The following TBL3 variants were observed in gnomAD, a reference collection of about 807,000 sequenced individuals.
TBL3 encodes transducin beta-like protein 3.
In TBL3, 71 loss-of-function variants were observed where a neutral mutation model predicts 102.7. That is an observed-to-expected ratio of 0.69 (90% CI 0.57 to 0.84). The LOEUF is 0.84. Among genes scored for constraint, TBL3 ranks in the 40% least tolerant of loss-of-function variants. TBL3 has a pLI of 0.00. For missense variants in TBL3, 1,188 were observed against 1,098.5 expected (o/e 1.08, Z -1.15); for synonymous variants, 578 against 477.7 (o/e 1.21, Z -2.74).
intron 1 of TBL3, 111 bp from the exon 2 acceptor site, chr16:1,973,945 C>G: frequency 8.2e-7 from 1 of 1,214,134 alleles, no homozygotes. Context: ...TGCCCAGAAA[C>G]TCAAGGGCAG....
chr16:1,978,550 A>C lies in TBL3; in HGVS notation c.2294-2A>C. The C allele has an allele frequency of 1.2e-6, 2 of 1,605,294 alleles. No homozygotes were observed. The highest frequency in any genetic ancestry group is 1.7e-6 in the Non-Finnish European group (2 of 1,174,348). On this transcript the variant is annotated splice_acceptor_variant, in intron 21 of 21. Transcript: ENST00000568546. LOFTEE classifies it high-confidence loss of function. ...CCCTGACCTCCCTCTGTCCAACCCCAGAGCGGCACTTTCAGCGGCTCAGCA... is the reference window on the plus strand; with the variant it reads ...CCCTGACCTCCCTCTGTCCAACCCCCGAGCGGCACTTTCAGCGGCTCAGCA...
chr16:1,974,121 GA>G lies in TBL3; in HGVS notation c.93+16del. The G allele has an allele frequency of 6.3e-7, 1 of 1,584,112 alleles. No homozygotes were observed. The highest frequency in any genetic ancestry group is 8.6e-7 in the Non-Finnish European group (1 of 1,160,132). On this transcript the variant is annotated intron_variant, in intron 2 of 21. Transcript: ENST00000568546. ...GGAAAAGCACAGGTACCAGCCTGGG[GA>G]AGGGCAGTGGGGCGGGCAGCCAGAG... is the stretch of plus-strand genomic sequence containing the variant.
Position 1,979,662 on chromosome 16 carries a change from C to T in TBL3, c.*977C>T. ...CGGCGGGGCCGCTCTAAGACCGGTT[C>T]GGGGCTTCCTCTAGGTGCGGAGACC... On this transcript the variant is annotated 3_prime_UTR_variant, in exon 22 of 22. Coordinates refer to ENST00000568546, the MANE Select transcript of TBL3 (RefSeq NM_006453.3). The T allele has an allele frequency of 1.7e-6, 2 of 1,195,896 alleles. No homozygotes were observed. The highest frequency in any genetic ancestry group is 2.9e-5 in the South Asian group (2 of 67,984). The allele number at this position is 1,195,896 out of a possible 1,614,324, so 74.1% of individuals were successfully genotyped here.
chr16:1,978,175 G>A lies in TBL3; in HGVS notation c.2089G>A (p.Glu697Lys), dbSNP rs145560070. 39 of 1,612,752 alleles carry A rather than the reference G, an allele frequency of 2.4e-5. No homozygotes were observed. The African/African-American group carries it at 3.7e-4, about 15-fold the overall frequency. Reference protein sequence around the residue: ...QAIRRDPEACEKLEATMLRLR... With the variant: ...QAIRRDPEACKKLEATMLRLR... ...CATCCGGAGGGACCCTGAGGCCTGC[G>A]AGAAGCTGGAAGCCACCATGCTCCG... Residue 697 changes from glutamate to lysine, a missense_variant, in exon 20 of 22, where the codon GAG becomes AAG. Glu to Lys is a moderately conservative substitution (Grantham distance 56). Coordinates refer to ENST00000568546, the MANE Select transcript of TBL3 (RefSeq NM_006453.3).
Position 1,980,485 on chromosome 16 carries a change from A to G in TBL3, c.*1800A>G, listed in dbSNP as rs960322303. The G allele has an allele frequency of 6.2e-7, 1 of 1,602,740 alleles. No homozygotes were observed. Among genetic ancestry groups the G allele is most frequent in the Non-Finnish European group, 8.5e-7 (1 of 1,179,752 alleles). On this transcript the variant is annotated 3_prime_UTR_variant, in exon 22 of 22. Coordinates refer to ENST00000568546, the MANE Select transcript of TBL3 (RefSeq NM_006453.3). Reference sequence around the variant, plus strand: ...AGCAGCCTCCGAGAATAGGTTTCCAACAGCTGCAGGCGCGCCAGGCCGCGG... The same window carrying G: ...AGCAGCCTCCGAGAATAGGTTTCCAGCAGCTGCAGGCGCGCCAGGCCGCGG...
At chr16:1,978,521 A>G (rs757714913) in intron 21 of TBL3, 31 bp from the exon 22 acceptor site, 1 of 1,587,490 alleles carries the variant, frequency 6.3e-7, no homozygotes, top group South Asian at 1.1e-5. Flanking sequence ...CGTGTGGACC[A>G]CCCCCCTGAC....
Position 1,976,202 on chromosome 16 carries a change from T to C in TBL3, c.1189-9T>C, listed in dbSNP as rs751011802. 4 of 1,614,108 alleles carry C rather than the reference T, an allele frequency of 2.5e-6. No individual in the cohort carries two copies. In the East Asian group the frequency reaches 6.7e-5, roughly 27 times the overall value. On this transcript the variant is annotated splice_polypyrimidine_tract_variant and intron_variant, in intron 12 of 21. Transcript: ENST00000568546. Reference sequence around the variant, plus strand: ...GGACCAGCCTCTCTCCTCAACTCCCTGTCCCCAGGATCAGAGCGTCCGTAT... The same window carrying C: ...GGACCAGCCTCTCTCCTCAACTCCCCGTCCCCAGGATCAGAGCGTCCGTAT...
At position 1,977,660 on chromosome 16, in the gene TBL3, T is replaced by C. The variant is rs370347285; in HGVS notation, c.1889T>C (p.Ile630Thr). The C allele has an allele frequency of 6.4e-6, 10 of 1,551,588 alleles. No individual in the cohort carries two copies. The African/African-American group carries it at 1.1e-4, about 17-fold the overall frequency. ...ACTGGGGCCAGTGACTCCCGAGTCA[T>C]CCTCTGGAAGGTTGTGGGCCCCAAG... ...ALTGASDSRV[I>T]LWKDVTEAEQ... Residue 630 changes from isoleucine to threonine, a missense_variant, in exon 17 of 22, where the codon ATC (isoleucine) becomes ACC (threonine). Transcript: ENST00000568546.
chr16:1,978,938 CAG>C lies in TBL3; in HGVS notation c.*256_*257del, dbSNP rs1299649228. On this transcript the variant is annotated 3_prime_UTR_variant, in exon 22 of 22. Transcript: ENST00000568546. ...GGGGTCATGCAGAACAAGCTTTACT[CAG>C]AGGAACAGCAAATGGCCCCCTCCCA... 8.5e-7 allele frequency: 1 copy of C among 1,181,758 alleles called. No homozygotes were observed. Among genetic ancestry groups the C allele is most frequent in the African/African-American group, 1.6e-5 (1 of 64,216 alleles). 73.2% of individuals were successfully genotyped at this position (1,181,758 alleles called of 1,614,324 possible). A position where few individuals can be genotyped will look rare whatever the true frequency, so the allele number is the denominator to read the frequency against.
Position 1,978,767 on chromosome 16 carries a change from G to A in TBL3, c.*82G>A, listed in dbSNP as rs1323182702. 1 of 1,526,760 alleles carries A rather than the reference G, an allele frequency of 6.5e-7. No homozygotes were observed. The highest frequency in any genetic ancestry group is 8.9e-7 in the Non-Finnish European group (1 of 1,126,546). 94.6% of individuals were successfully genotyped at this position (1,526,760 alleles called of 1,614,324 possible). On this transcript the variant is annotated 3_prime_UTR_variant, in exon 22 of 22. Transcript: ENST00000568546. The stretch of plus-strand genomic sequence containing the variant: ...TCTCCTGGCCGGCTCTGTCTCTCTG[G>A]ACTGCAGTCCAGCCCCCCACCCTGG...
At position 1,976,152 on chromosome 16, in the gene TBL3, C is replaced by T. The variant is rs757722716; in HGVS notation, c.1188+38C>T. 1.2e-5 allele frequency: 20 copies of T among 1,613,736 alleles called. No homozygotes were observed. In the East Asian group the frequency reaches 2.7e-4, roughly 22 times the overall value. ...GAGAGGTAGGGGCAGGGGCACCAGG[C>T]GGGGAGGCCACGCAGTAGGCCCATG... On this transcript the variant is annotated intron_variant, in intron 12 of 21. Coordinates refer to ENST00000568546, the MANE Select transcript of TBL3 (RefSeq NM_006453.3).
At chr16:1,978,280 T>C in intron 20 of TBL3, 33 bp from the exon 21 acceptor site, 1 of 1,611,264 alleles carries the variant, frequency 6.2e-7, no homozygotes, top group Middle Eastern at 1.7e-4. Context: ...GCAGATTGGC[T>C]GGGCAAGACG....
At chr16:1,974,452 C>G in intron 4 of TBL3, 29 bp downstream of exon 4, 3 of 1,594,228 alleles carry the variant, frequency 1.9e-6, no homozygotes, top group South Asian at 2.3e-5. Context: ...GGAGGGGACC[C>G]GCTCCAGCGC....
intron 1 of TBL3, among the ~76,000 whole-genome samples, chr16:1,973,322 G>A (rs1397941868): frequency 2.0e-5 from 3 of 148,462 alleles, no homozygotes; most frequent in Admixed American, 2.0e-4. Context: ...CCAGCTACTC[G>A]GAGAGGCTGA....
rs778501814 is a variant in TBL3 at position 1,979,487 on chromosome 16, G to A, written c.*802G>A. 1.4e-5 allele frequency: 22 copies of A among 1,612,032 alleles called. No individual in the cohort carries two copies. The highest frequency in any genetic ancestry group is 1.9e-5 in the Non-Finnish European group (22 of 1,179,568). On this transcript the variant is annotated 3_prime_UTR_variant, in exon 22 of 22. Coordinates refer to ENST00000568546, the MANE Select transcript of TBL3 (RefSeq NM_006453.3). Reference sequence around the variant, plus strand: ...CGCGCACGCGCGCCCCCGCGGGCACGGACAGCTCATCTGCGCGGCTGCTCT... The same window carrying A: ...CGCGCACGCGCGCCCCCGCGGGCACAGACAGCTCATCTGCGCGGCTGCTCT...
In TBL3 at chr16:1,978,617, A is replaced by G; in HGVS notation, c.2359A>G (p.Asn787Asp). 1 of 1,612,816 alleles carries G rather than the reference A, an allele frequency of 6.2e-7. No individual in the cohort carries two copies. Among genetic ancestry groups the G allele is most frequent in the Non-Finnish European group, 8.5e-7 (1 of 1,179,866 alleles). ...CGCTTTCTTGGACTTCCTGTGGCAC[A>G]ACATGAAGCTCCCTGTGCCGGCCGC... ...AAAFLDFLWH[N>D]MKLPVPAAAP... The change falls in exon 22 of 22, where the codon AAC becomes GAC. Residue 787 changes from asparagine to aspartate, a missense_variant. By Grantham distance (23) the Asn-to-Asp change is conservative. Coordinates refer to ENST00000568546, the MANE Select transcript of TBL3 (RefSeq NM_006453.3).
chr16:1,977,642 C>T lies in TBL3; in HGVS notation c.1871C>T (p.Ala624Val). The T allele has an allele frequency of 1.3e-6, 2 of 1,551,958 alleles. No homozygotes were observed. Among genetic ancestry groups the T allele is most frequent in the Non-Finnish European group, 8.7e-7 (1 of 1,147,204 alleles). The change falls in exon 17 of 22, where the codon GCC (alanine) becomes GTC (valine). Residue 624 changes from alanine to valine, a missense_variant. Coordinates refer to ENST00000568546, the MANE Select transcript of TBL3 (RefSeq NM_006453.3). ...CTGGACGACCACGCCCTCACTGGGG[C>T]CAGTGACTCCCGAGTCATCCTCTGG... Reference protein sequence around the residue: ...SRLDDHALTGASDSRVILWKD... With the variant: ...SRLDDHALTGVSDSRVILWKD...
Position 1,979,271 on chromosome 16 carries a change from C to A in TBL3, c.*586C>A. 2 of 1,547,184 alleles carry A rather than the reference C, an allele frequency of 1.3e-6. No individual in the cohort carries two copies. The highest frequency in any genetic ancestry group is 1.2e-5 in the South Asian group (1 of 85,040). On this transcript the variant is annotated 3_prime_UTR_variant, in exon 22 of 22. Transcript: ENST00000568546. ...CCGCCGGGTCGTCTCCTCCACGGAA[C>A]CCCGTCCCGCTCAGGAGAGCGCCCA...
rs2083431925 is a variant in TBL3 at position 1,978,893 on chromosome 16, C to T, written c.*208C>T. ...GGCCTGGCAGAGATCCAGCCCGCGG[C>T]TCCGCACGCTTAGACGGTGGGGGTC... is the stretch of plus-strand genomic sequence containing the variant. On this transcript the variant is annotated 3_prime_UTR_variant, in exon 22 of 22. Transcript: ENST00000568546. 2 of 1,077,226 alleles carry T rather than the reference C, an allele frequency of 1.9e-6. No homozygotes were observed. Among genetic ancestry groups the T allele is most frequent in the African/African-American group, 1.6e-5 (1 of 62,630 alleles). 66.7% of individuals were successfully genotyped at this position (1,077,226 alleles called of 1,614,324 possible). A position where few individuals can be genotyped will look rare whatever the true frequency, so the allele number is the denominator to read the frequency against.
Sources: allele counts gnomAD v4.1 joint callset (sites outside exome capture counted in the v4.1 genomes callset), GRCh38; gene constraint gnomAD v4.1.1; transcripts MANE v1.5; gene names NCBI Gene and HGNC (gene_info 2026-07-23, HGNC 2026-07-21).